SORBS3: variants seen among roughly 807,000 people sequenced by gnomAD.
SORBS3 encodes the protein vinexin.
In SORBS3, 69 loss-of-function variants were observed where a neutral mutation model predicts 98.0. The ratio of observed to expected loss-of-function variants is 0.70; its 90% confidence interval spans 0.58 to 0.86. The LOEUF is 0.86. Among genes scored for constraint, SORBS3 ranks in the 40% least tolerant of loss-of-function variants. SORBS3 has a pLI of 0.00. For synonymous variants in SORBS3, 394 were observed against 355.4 expected (o/e 1.11, Z -1.22); for missense variants, 954 against 908.5 (o/e 1.05, Z -0.64).
chr8:22,559,428 C>T (rs1400372052), intron 5 of SORBS3, among the ~76,000 whole-genome samples: 6 of 152,154 alleles, frequency 3.9e-5, no homozygotes, highest in South Asian at 2.1e-4. Flanking sequence ...AGGCCGGGCG[C>T]GGTGGCTCAC....
chr8:22,566,637 A>C, intron 13 of SORBS3, 24 bp from the exon 14 acceptor site: 1 of 1,593,392 alleles, frequency 6.3e-7, no homozygotes, highest in African/African-American at 1.4e-5. Flanking sequence ...GGCCTCCCCA[A>C]GCTGAGGTTG....
intron 11 of SORBS3, 173 bp from the exon 12 acceptor site, chr8:22,565,653 C>G: frequency 8.4e-7 from 1 of 1,192,214 alleles, no homozygotes; most frequent in Non-Finnish European, 1.0e-6. Flanking sequence ...GACCCCCGCC[C>G]CTTCCCCTAG....
At chr8:22,562,527 T>C (rs1205520560) in intron 7 of SORBS3, among the ~76,000 whole-genome samples, 1 of 152,204 alleles carries the variant, frequency 6.6e-6, no homozygotes, top group African/African-American at 2.4e-5. Flanking sequence ...TTGAGTTTCT[T>C]ATTCCCTTGC....
rs201141400 is a variant in SORBS3 at position 22,565,347 on chromosome 8, C to A, written c.896C>A (p.Ser299Tyr). ...CGGGCAATTGAGACCCGACTGCCGT[C>A]CCCCAAGGTACCAGCCCCCAGGGTT... The part of the protein sequence containing the change: ...DLRAIETRLP[S>Y]PKSSPAPRRA... The change falls in exon 11 of 21, where the codon TCC (serine) becomes TAC (tyrosine). Residue 299 changes from serine (S) to tyrosine (Y), a missense_variant. Transcript: ENST00000240123. 1 of 1,552,414 alleles carries A rather than the reference C, an allele frequency of 6.4e-7. No homozygotes were observed. Among genetic ancestry groups the A allele is most frequent in the South Asian group, 1.2e-5 (1 of 84,190 alleles).
Position 22,556,879 on chromosome 8 carries a change from G to T in SORBS3, c.385G>T (p.Glu129Ter), listed in dbSNP as rs771707692. Residue 129 changes from glutamate (E) to a stop codon, truncating the protein, a stop_gained, in exon 4 of 21, where the codon GAG becomes TAG. Coordinates refer to ENST00000240123, the MANE Select transcript of SORBS3 (RefSeq NM_005775.5). LOFTEE classifies it high-confidence loss of function. ...VKYEGIGPVDESGMPIAPRSS... is the reference protein window; with the variant it reads ...VKYEGIGPVD The stretch of plus-strand genomic sequence containing the variant: ...GTACGAGGGAATCGGGCCCGTGGAC[G>T]AGAGCGGCATGCCCATTGCCCCCCG... 1.9e-6 allele frequency: 3 copies of T among 1,613,106 alleles called. No homozygotes were observed. The highest frequency in any genetic ancestry group is 2.5e-6 in the Non-Finnish European group (3 of 1,180,052).
At chr8:22,565,610 C>T in intron 11 of SORBS3, 1 of 892,300 alleles carries the variant, frequency 1.1e-6, no homozygotes, top group Non-Finnish European at 1.5e-6. Flanking sequence ...ACCGGGCGCC[C>T]GCCCCGTCCG....
Position 22,556,763 on chromosome 8 carries a change from C to T in SORBS3, c.269C>T (p.Ala90Val), listed in dbSNP as rs746963108. ...TWPGPGSKPS[A>V]STKIPASQHT... is the part of the protein sequence containing the mutation. Reference sequence around the variant, plus strand: ...CCAGGCCCTGGGAGCAAGCCCTCTGCAAGCACAAAGATCCCTGCCTCCCAG... The same window carrying T: ...CCAGGCCCTGGGAGCAAGCCCTCTGTAAGCACAAAGATCCCTGCCTCCCAG... Residue 90 changes from alanine (A) to valine (V), a missense_variant, in exon 4 of 21, where the codon GCA (alanine) becomes GTA (valine). Transcript: ENST00000240123. The T allele has an allele frequency of 4.0e-5, 64 of 1,613,874 alleles. No individual in the cohort carries two copies. The highest frequency in any genetic ancestry group is 5.3e-5 in the Non-Finnish European group (63 of 1,180,046).
At chr8:22,563,900 A>T (rs945899039) in intron 7 of SORBS3, 87 bp from the exon 8 acceptor site, 13 of 994,696 alleles carry the variant, frequency 1.3e-5, no homozygotes, top group Non-Finnish European at 1.8e-5. Context: ...CACAGCAGGG[A>T]CAAGGGCAGG....
intron 20 of SORBS3, 128 bp from the exon 21 acceptor site, chr8:22,574,539 C>T (rs911708778): frequency 4.6e-6 from 4 of 865,862 alleles, no homozygotes; most frequent in African/African-American, 3.4e-5. Flanking sequence ...AAATCCAATT[C>T]CCTCTCTGGG....
intron 17 of SORBS3, among the ~76,000 whole-genome samples, chr8:22,570,407 C>T (rs1840542928): frequency 6.6e-6 from 1 of 152,214 alleles, no homozygotes; most frequent in African/African-American, 2.4e-5. Context: ...GAGGCAGGAA[C>T]AGGACCCAGG....
chr8:22,556,958 G>C lies in SORBS3; in HGVS notation c.414+50G>C, dbSNP rs780808314. 29 of 1,595,434 alleles carry C rather than the reference G, an allele frequency of 1.8e-5. 1 individual carries two copies. The South Asian group carries it at 3.2e-4, about 18-fold the overall frequency. ...GAGAGATGGGGCCCAGGGATCTACA[G>C]GGAGCTGCACTTCTGTGCATTAAAA... On this transcript the variant is annotated intron_variant, in intron 4 of 20. Transcript: ENST00000240123.
At chr8:22,549,879 A>C (rs1840056630), upstream of SORBS3, 2 of 619,410 alleles carry the variant, frequency 3.2e-6, no homozygotes, top group Non-Finnish European at 4.0e-6. Flanking sequence ...TGCACCCTCT[A>C]CACTAAATAT....
intron 20 of SORBS3, among the ~76,000 whole-genome samples, chr8:22,574,281 C>G (rs1168088706): frequency 6.6e-6 from 1 of 152,174 alleles, no homozygotes; most frequent in Non-Finnish European, 1.5e-5. Flanking sequence ...ATGCATTCAG[C>G]CTTCCCATAG....
intron 10 of SORBS3, chr8:22,564,753 GGTCA>G (rs1372997726): frequency 1.4e-6 from 2 of 1,414,816 alleles, no homozygotes; most frequent in African/African-American, 2.9e-5. Context: ...AAAAGGGAGT[GGTCA>G]GTGCGCACTG....
At position 22,564,849 on chromosome 8, in the gene SORBS3, G is replaced by C. The variant is rs1022720876; in HGVS notation, c.816+328G>C. 3.9e-6 allele frequency: 5 copies of C among 1,276,540 alleles called. No homozygotes were observed. In the African/African-American group the frequency reaches 7.5e-5, roughly 19 times the overall value. 79.1% of individuals were successfully genotyped at this position (1,276,540 alleles called of 1,614,324 possible). On this transcript the variant is annotated intron_variant, in intron 10 of 20. Transcript: ENST00000240123. ...CCTGATTCGGCGAAGACCCATAGCA[G>C]AGGCTGGCAGGAAGCAGCGTGGGGG... is the stretch of plus-strand genomic sequence containing the variant.
At chr8:22,571,895 C>A in intron 19 of SORBS3, 74 bp downstream of exon 19, 2 of 1,039,574 alleles carry the variant, frequency 1.9e-6, no homozygotes, top group Non-Finnish European at 3.0e-6. Flanking sequence ...ATTCCACCCT[C>A]CCCCAAGTCC....
chr8:22,546,302 G>A (rs904435232), intron 1 of SORBS3, among the ~76,000 whole-genome samples: 2 of 152,092 alleles, frequency 1.3e-5, no homozygotes, highest in South Asian at 4.2e-4. Context: ...TTTCCTGGTG[G>A]AGGTACTTAT....
Position 22,569,002 on chromosome 8 carries a change from G to T in SORBS3, c.1306-146G>T, listed in dbSNP as rs1205144135. The T allele has an allele frequency of 6.6e-6, 5 of 755,448 alleles. No individual in the cohort carries two copies. In the African/African-American group the frequency reaches 9.1e-5, roughly 14 times the overall value. The allele number at this position is 755,448 out of a possible 1,614,324, so 46.8% of individuals were successfully genotyped here. A position where few individuals can be genotyped will look rare whatever the true frequency, so the allele number is the denominator to read the frequency against. On this transcript the variant is annotated intron_variant, in intron 16 of 20. Coordinates refer to ENST00000240123, the MANE Select transcript of SORBS3 (RefSeq NM_005775.5). Reference sequence around the variant, plus strand: ...CACCCTTTGGCTGTGCCCACCCGTGGCTGCCCCCAGGGCTTGTGTCTGGTG... The same window carrying T: ...CACCCTTTGGCTGTGCCCACCCGTGTCTGCCCCCAGGGCTTGTGTCTGGTG...
rs2117214215 is a variant in SORBS3, at chr8:22,554,527, C to A, written c.21C>A (p.Ser7Arg). ...CAAGCATGCAGGGCCCACCCCGCAGCCTCCGCGCTGGGCTCAGCCTGGACG... is the reference window on the plus strand; with the variant it reads ...CAAGCATGCAGGGCCCACCCCGCAGACTCCGCGCTGGGCTCAGCCTGGACG... MQGPPR[S>R]LRAGLSLDDF... The change falls in exon 2 of 21, where the codon AGC becomes AGA. Residue 7 changes from serine (S) to arginine (R), a missense_variant. By Grantham distance (110) the Ser-to-Arg change is moderately radical. Coordinates refer to ENST00000240123, the MANE Select transcript of SORBS3 (RefSeq NM_005775.5). The surrounding 1 kb of genome is among the most constrained non-coding windows in gnomAD (Gnocchi z 6.5). The A allele has an allele frequency of 6.2e-7, 1 of 1,612,374 alleles. No individual in the cohort carries two copies.
Sources: gnomAD v4.1 joint callset for allele counts (sites outside exome capture counted in the v4.1 genomes callset) on GRCh38, gnomAD v4.1.1 for gene constraint, Gnocchi (gnomAD v3.1) non-coding constraint, MANE v1.5 for transcripts, NCBI Gene and HGNC (gene_info 2026-07-23, HGNC 2026-07-21) for gene names.